The following XKR6 variants were observed in gnomAD, a reference collection of about 807,000 sequenced individuals.
The protein encoded by XKR6 is XK-related protein 6.
A neutral mutation model predicts 56.7 loss-of-function variants in XKR6; 22 were observed. That is an observed-to-expected ratio of 0.39 (90% CI 0.28 to 0.55). XKR6 has a LOEUF of 0.55. Among genes scored for constraint, XKR6 ranks in the 20% least tolerant of loss-of-function variants. The probability of loss-of-function intolerance (pLI) is 0.66; values close to 1 mark genes in which losing one functional copy is unlikely to be tolerated. For missense variants in XKR6, 852 were observed against 889.0 expected, an observed-to-expected ratio of 0.96 and a Z score of 0.53; for synonymous variants, 524 against 387.8, an observed-to-expected ratio of 1.35 and a Z score of -4.13.
At chr8:10,966,749 G>A (rs1802236370) in intron 1 of XKR6, among the ~76,000 whole-genome samples, 1 of 152,052 alleles carries the variant, frequency 6.6e-6, no homozygotes, top group Non-Finnish European at 1.5e-5. Flanking sequence ...CTCTAGAATA[G>A]GGTCTCTGGG....
At chr8:10,989,957 C>T (rs1797951099) in intron 1 of XKR6, among the ~76,000 whole-genome samples, 1 of 152,218 alleles carries the variant, frequency 6.6e-6, no homozygotes. Flanking sequence ...ATGCTTCATT[C>T]TGTATCTAGG....
At chr8:10,996,916 C>T (rs1798126319) in intron 1 of XKR6, among the ~76,000 whole-genome samples, 1 of 152,072 alleles carries the variant, frequency 6.6e-6, no homozygotes, top group Non-Finnish European at 1.5e-5. Flanking sequence ...CTGCAGTGAG[C>T]TATGATGGCT....
chr8:11,144,054 C>T (rs1172568243), intron 1 of XKR6, among the ~76,000 whole-genome samples: 1 of 152,038 alleles, frequency 6.6e-6, no homozygotes, highest in Non-Finnish European at 1.5e-5. Flanking sequence ...GATTAAGACC[C>T]CCCGTCAATG....
chr8:11,015,883 C>T (rs1798608010), intron 1 of XKR6, among the ~76,000 whole-genome samples: 1 of 152,068 alleles, frequency 6.6e-6, no homozygotes. Flanking sequence ...CGAGGCGCCC[C>T]AAAGGTGGGC....
At chr8:11,058,359 A>G (rs1387927843) in intron 1 of XKR6, among the ~76,000 whole-genome samples, 1 of 152,240 alleles carries the variant, frequency 6.6e-6, no homozygotes, top group African/African-American at 2.4e-5. Context: ...ATTCTACTAT[A>G]AAGACACATG....
chr8:11,053,172 T>C (rs913115738), intron 1 of XKR6, among the ~76,000 whole-genome samples: 10 of 152,236 alleles, frequency 6.6e-5, no homozygotes, highest in Non-Finnish European at 1.2e-4. Context: ...CGCTATAGGC[T>C]GCCATGTGCC....
chr8:10,959,923 G>A (rs954311251), intron 1 of XKR6, among the ~76,000 whole-genome samples: 1 of 152,162 alleles, frequency 6.6e-6, no homozygotes, highest in Non-Finnish European at 1.5e-5. Context: ...GAACTACGGT[G>A]AGGCAATGAA....
intron 1 of XKR6, among the ~76,000 whole-genome samples, chr8:11,144,972 G>T (rs1442977276): frequency 6.8e-6 from 1 of 147,188 alleles, no homozygotes; most frequent in Non-Finnish European, 1.5e-5. Context: ...GGAAGGAAGG[G>T]AGAGAAGGGA....
intron 1 of XKR6, among the ~76,000 whole-genome samples, chr8:11,057,283 CTTAT>C (rs1322646582): frequency 6.6e-6 from 1 of 152,132 alleles, no homozygotes; most frequent in Non-Finnish European, 1.5e-5. Flanking sequence ...CACTAGATAC[CTTAT>C]TTATTTCTGG....
intron 1 of XKR6, among the ~76,000 whole-genome samples, chr8:10,999,645 A>T (rs1798193843): frequency 6.6e-6 from 1 of 152,226 alleles, no homozygotes; most frequent in Non-Finnish European, 1.5e-5. Context: ...AAAAGTTCTA[A>T]AAAAGGATGT....
intron 1 of XKR6, among the ~76,000 whole-genome samples, chr8:11,116,988 C>T (rs780524800): frequency 6.6e-6 from 1 of 152,180 alleles, no homozygotes; most frequent in Non-Finnish European, 1.5e-5. Flanking sequence ...ACTCATAAAA[C>T]TCCATCCACC....
chr8:11,155,528 T>G (rs1432285578), intron 1 of XKR6, among the ~76,000 whole-genome samples: 1 of 152,226 alleles, frequency 6.6e-6, no homozygotes, highest in Non-Finnish European at 1.5e-5. Context: ...CACATGGGAT[T>G]CAAGAACTAT....
chr8:10,947,103 A>T (rs1216259413), intron 1 of XKR6, among the ~76,000 whole-genome samples: 1 of 152,058 alleles, frequency 6.6e-6, no homozygotes, highest in Non-Finnish European at 1.5e-5. Context: ...AGCTAAGGAG[A>T]CGGGTTGGAG....
intron 1 of XKR6, among the ~76,000 whole-genome samples, chr8:11,155,316 T>G (rs539923054): frequency 1.3e-5 from 2 of 152,244 alleles, no homozygotes; most frequent in Non-Finnish European, 2.9e-5. Context: ...TATTCCATAC[T>G]GGTAGTCTGA....
chr8:11,058,214 C>A (rs111281939), intron 1 of XKR6, among the ~76,000 whole-genome samples: 1,642 of 152,216 alleles, frequency 0.011, 24 homozygotes, highest in African/African-American at 0.038. Flanking sequence ...GAATCTCCTG[C>A]AACATTTTTT....
intron 1 of XKR6, among the ~76,000 whole-genome samples, chr8:10,998,704 T>G (rs1563336755): frequency 2.6e-5 from 4 of 152,054 alleles, no homozygotes. Context: ...CCTCCACTTC[T>G]CCCAGCCAGC....
chr8:10,909,420 T>C (rs571480656), intron 2 of XKR6, among the ~76,000 whole-genome samples: 60 of 152,292 alleles, frequency 3.9e-4, no homozygotes, highest in South Asian at 4.1e-4. Context: ...TTTTCCACCA[T>C]AGCATTTTGC....
At chr8:11,167,127 G>A (rs981294393) in intron 1 of XKR6, among the ~76,000 whole-genome samples, 5 of 152,098 alleles carry the variant, frequency 3.3e-5, no homozygotes, top group African/African-American at 1.2e-4. Context: ...ACAATTCCAA[G>A]TGCCCATACA....
intron 1 of XKR6, among the ~76,000 whole-genome samples, chr8:11,177,116 A>T (rs56018525): frequency 0.082 from 12,489 of 152,214 alleles, 1,709 homozygotes; most frequent in African/African-American, 0.28. Context: ...ATGGAGAAAA[A>T]GCACCATGTG....
Sources: gnomAD v4.1 joint callset for allele counts (sites outside exome capture counted in the v4.1 genomes callset) on GRCh38, gnomAD v4.1.1 for gene constraint, MANE v1.5 for transcripts, NCBI Gene and HGNC (gene_info 2026-07-23, HGNC 2026-07-21) for gene names.